The following DNAH2 variants were observed in gnomAD, a reference collection of about 807,000 sequenced individuals.
DNAH2 encodes the protein axonemal beta dynein heavy chain 2.
In DNAH2, 323 loss-of-function variants were observed where a neutral mutation model predicts 523.5. The ratio of observed to expected loss-of-function variants is 0.62; its 90% CI spans 0.56 to 0.68. DNAH2 has a LOEUF of 0.68. Among genes scored for constraint, DNAH2 ranks in the 30% least tolerant of loss-of-function variants. The probability of loss-of-function intolerance (pLI) is 0.00; values close to 1 mark genes in which losing one functional copy is unlikely to be tolerated. For missense variants in DNAH2, 4,907 were observed against 5,701.5 expected (o/e 0.86, Z 4.49); for synonymous variants, 2,093 against 2,177.4 (o/e 0.96, Z 1.08).
rs57660603 is a variant in DNAH2, at chr17:7,749,308, C to CAAAAAAAAAAAAAAAAAAAAAAAA, written c.1904+6183_1904+6206dup. On this transcript the variant is annotated intron_variant, in intron 12 of 85. Coordinates refer to ENST00000572933, the MANE Select transcript of DNAH2 (RefSeq NM_020877.5). ...GGGCAACAAGAGCTAAACTCCCCCC[C>CAAAAAAAAAAAAAAAAAAAAAAAA]AAAAAAAAAAAAAAAAAAAAAAAAA... Among the ~76,000 whole-genome samples, 37 of 17,766 alleles carry CAAAAAAAAAAAAAAAAAAAAAAAA rather than the reference C, an allele frequency of 2.1e-3. 17 individuals are homozygous for CAAAAAAAAAAAAAAAAAAAAAAAA. Among genetic ancestry groups the CAAAAAAAAAAAAAAAAAAAAAAAA allele is most frequent in the Admixed American group, 5.6e-3 (6 of 1,072 alleles). 11.7% of individuals were successfully genotyped at this position (17,766 alleles called of 152,430 possible). A position where few individuals can be genotyped will look rare whatever the true frequency, so the allele number is the denominator to read the frequency against.
chr17:7,815,626 A>G (rs535031984), intron 63 of DNAH2, among the ~76,000 whole-genome samples: 5 of 142,506 alleles, frequency 3.5e-5, no homozygotes, highest in African/African-American at 7.4e-5. Flanking sequence ...TCACACACAC[A>G]TATACGGGAT....
intron 3 of DNAH2, among the ~76,000 whole-genome samples, chr17:7,726,354 A>G (rs1160195992): frequency 2.7e-5 from 4 of 149,214 alleles, no homozygotes; most frequent in Non-Finnish European, 5.9e-5. Flanking sequence ...CCCAGGCTGG[A>G]GTGCAGGGGT....
chr17:7,818,806 C>G (rs2077762928), intron 70 of DNAH2, 30 bp downstream of exon 70: 1 of 1,613,398 alleles, frequency 6.2e-7, no homozygotes, highest in South Asian at 1.1e-5. Flanking sequence ...TCCCACTGCC[C>G]CACGGGTCTA....
intron 5 of DNAH2, 91 bp from the exon 6 acceptor site, chr17:7,734,083 ATATGCTTCC>A (rs1222179786): frequency 1.2e-5 from 12 of 1,002,982 alleles, no homozygotes; most frequent in African/African-American, 1.6e-5. Flanking sequence ...CCTGAAATGC[ATATGCTTCC>A]TGGTCCCCTA....
At chr17:7,814,611 C>T (rs1022512718) in intron 63 of DNAH2, among the ~76,000 whole-genome samples, 7 of 152,200 alleles carry the variant, frequency 4.6e-5, no homozygotes, top group Non-Finnish European at 5.9e-5. Context: ...TGGTGGCTCA[C>T]GCCTGTAATC....
chr17:7,805,537 C>G (rs905738243), intron 61 of DNAH2, 144 bp downstream of exon 61: 9 of 1,229,016 alleles, frequency 7.3e-6, no homozygotes, highest in Admixed American at 2.5e-5. Context: ...GAAAGGAGAC[C>G]GCATGAATAT....
Position 7,831,320 on chromosome 17 carries a change from A to G in DNAH2, c.12459+6A>G, listed in dbSNP as rs1461137124. The G allele has an allele frequency of 6.2e-7, 1 of 1,613,984 alleles. No individual in the cohort carries two copies. The highest frequency in any genetic ancestry group is 8.5e-7 in the Non-Finnish European group (1 of 1,179,978). ...GCCAGACCCGGGAAGAGAAGGTAAA[A>G]AGAGCCGGGCCTGGGGGAGGGAAAG... is the stretch of plus-strand genomic sequence containing the variant. On this transcript the variant is annotated splice_donor_region_variant and intron_variant, in intron 80 of 85. Coordinates refer to ENST00000572933, the MANE Select transcript of DNAH2 (RefSeq NM_020877.5). This position sits in a 1 kb window ranked among gnomAD's most constrained non-coding sequence, Gnocchi z 4.2.
chr17:7,733,228 C>A lies in DNAH2; in HGVS notation c.541C>A (p.Pro181Thr). 6.2e-7 allele frequency: 1 copy of A among 1,614,132 alleles called. No homozygotes were observed. Among genetic ancestry groups the A allele is most frequent in the Non-Finnish European group, 8.5e-7 (1 of 1,180,030 alleles). The change falls in exon 5 of 86, where the codon CCT becomes ACT. Residue 181 changes from proline to threonine, a missense_variant. Pro to Thr is a conservative substitution (Grantham distance 38). This residue lies in a region of DNAH2 where 2,806 missense variants were observed against 3,190.8 expected (regional missense o/e 0.88). Coordinates refer to ENST00000572933, the MANE Select transcript of DNAH2 (RefSeq NM_020877.5). ...LLRLLGGVFAPQIFANTGWPE... is the reference protein window; with the variant it reads ...LLRLLGGVFATQIFANTGWPE... ...TCGGCTGCTCGGTGGAGTCTTTGCC[C>A]CTCAGATCTTTGCAAACACAGGCTG...
chr17:7,818,281 G>T (rs976363281), intron 68 of DNAH2, 31 bp from the exon 69 acceptor site: 2 of 1,612,194 alleles, frequency 1.2e-6, no homozygotes, highest in African/African-American at 1.3e-5. Flanking sequence ...ATCACATGGA[G>T]TCCTTGCCCC....
At position 7,739,888 on chromosome 17, in the gene DNAH2, CG is replaced by C. The variant is rs760156207; in HGVS notation, c.1331del (p.Gly444ValfsTer26). 2.7e-5 allele frequency: 44 copies of C among 1,613,798 alleles called. No homozygotes were observed. Among genetic ancestry groups the C allele is most frequent in the Non-Finnish European group, 3.7e-5 (44 of 1,179,966 alleles). ...KNLHTLRAVRGGILDVKNTCW... is the reference protein window; with the variant it reads ...KNLHTLRAVRXGILDVKNTCW... ...ATCTGCACACGCTGCGAGCCGTTCG[CG>C]GGGGTATCCTGGATGTCAAGAACAC... On this transcript the variant is annotated frameshift_variant, in exon 9 of 86. Coordinates refer to ENST00000572933, the MANE Select transcript of DNAH2 (RefSeq NM_020877.5). LOFTEE classifies it high-confidence loss of function.
Position 7,833,086 on chromosome 17 carries a change from C to T in DNAH2, c.12994C>T (p.Arg4332Trp). The T allele has an allele frequency of 3.1e-6, 5 of 1,613,214 alleles. No homozygotes were observed. The highest frequency in any genetic ancestry group is 1.1e-5 in the South Asian group (1 of 91,056). ...TTCTCCCCAGGATGGTGTCTGGGTC[C>T]GGGGCCTGTACCTGGAAGGTGCTGG... ...VYPPKDGVWVRGLYLEGAGWD... is the reference protein window; with the variant it reads ...VYPPKDGVWVWGLYLEGAGWD... Residue 4332 changes from arginine to tryptophan, a missense_variant, in exon 85 of 86, where the codon CGG becomes TGG. Arg to Trp is a moderately radical substitution (Grantham distance 101). Coordinates refer to ENST00000572933, the MANE Select transcript of DNAH2 (RefSeq NM_020877.5).
chr17:7,740,635 T>TG, intron 10 of DNAH2, 86 bp downstream of exon 10: 1 of 1,574,656 alleles, frequency 6.4e-7, no homozygotes, highest in Non-Finnish European at 8.6e-7. Flanking sequence ...TGCCTCCACG[T>TG]GTGCCCTTCT....
At chr17:7,765,060 G>C (rs773665006) in intron 20 of DNAH2, among the ~76,000 whole-genome samples, 2 of 152,082 alleles carry the variant, frequency 1.3e-5, no homozygotes, top group Non-Finnish European at 2.9e-5. Context: ...CACCCGGCCA[G>C]GGTTTCTTTT....
intron 49 of DNAH2, among the ~76,000 whole-genome samples, chr17:7,795,572 G>A (rs1278165576): frequency 1.3e-5 from 2 of 151,436 alleles, no homozygotes; most frequent in African/African-American, 2.4e-5. Context: ...TACTTGAGAG[G>A]CTGAGGTGGG....
At chr17:7,725,438 A>ATATATATATATATATATG (rs1555534978) in intron 3 of DNAH2, among the ~76,000 whole-genome samples, 2 of 139,758 alleles carry the variant, frequency 1.4e-5, no homozygotes, top group Admixed American at 7.3e-5. Context: ...ATATATATAT[A>ATATATATATATATATATG]TATTTTCTTT....
At chr17:7,827,862 A>G (rs1170192066) in intron 77 of DNAH2, among the ~76,000 whole-genome samples, 1 of 151,942 alleles carries the variant, frequency 6.6e-6, no homozygotes, top group Non-Finnish European at 1.5e-5. Flanking sequence ...CCATATATGT[A>G]TGGGTTTCAG....
At chr17:7,802,686 C>T (rs760293370) in intron 58 of DNAH2, among the ~76,000 whole-genome samples, 19 of 151,518 alleles carry the variant, frequency 1.3e-4, no homozygotes, top group Admixed American at 1.1e-3. Flanking sequence ...TTTTTTTAGA[C>T]GGAGTCTCGC....
Position 7,798,520 on chromosome 17 carries a change from TCTGCAGTGAGTTTGTCCTCCTTCC to T in DNAH2, c.8399-35_8399-12del. 6.2e-7 allele frequency: 1 copy of T among 1,610,174 alleles called. No individual in the cohort carries two copies. The highest frequency in any genetic ancestry group is 8.5e-7 in the Non-Finnish European group (1 of 1,178,076). Reference sequence around the variant, plus strand: ...AAGGAATCAAGCCCAGGATGGGGAATCTGCAGTGAGTTTGTCCTCCTTCCCTCCCCCGGCCAGATATCAAGCGTC... The same window carrying T: ...AAGGAATCAAGCCCAGGATGGGGAATCTCCCCCGGCCAGATATCAAGCGTC... On this transcript the variant is annotated splice_polypyrimidine_tract_variant and intron_variant, in intron 54 of 85. Transcript: ENST00000572933. This position sits in a 1 kb window ranked among gnomAD's most constrained non-coding sequence, Gnocchi z 5.5.
intron 63 of DNAH2, among the ~76,000 whole-genome samples, chr17:7,814,516 C>T (rs747245756): frequency 6.6e-5 from 10 of 152,130 alleles, no homozygotes; most frequent in Admixed American, 2.0e-4. Context: ...TAGAGGCATA[C>T]GCATAATTTT....
Sources: allele counts gnomAD v4.1 joint callset (sites outside exome capture counted in the v4.1 genomes callset), GRCh38; gene constraint gnomAD v4.1.1; regional missense constraint gnomAD v4.1.1; non-coding constraint Gnocchi (gnomAD v3.1); transcripts MANE v1.5; gene names NCBI Gene and HGNC (gene_info 2026-07-23, HGNC 2026-07-21).